FRMPD4: variants seen among roughly 807,000 people sequenced by gnomAD.
The protein encoded by FRMPD4 is FERM and PDZ domain containing 4, also known as FERM and PDZ domain-containing protein 4.
A neutral mutation model predicts 94.1 loss-of-function variants in FRMPD4; 22 were observed. That is an observed-to-expected ratio of 0.23 (90% CI 0.17 to 0.33). The LOEUF (loss-of-function observed/expected upper bound fraction) is 0.33, where lower values mean the gene tolerates loss of function less well. Among genes scored for constraint, FRMPD4 ranks in the 10% least tolerant of loss-of-function variants. The pLI, the probability that FRMPD4 is intolerant of heterozygous loss-of-function variation, is 1.00. For synonymous variants in FRMPD4, 631 were observed against 548.6 expected (o/e 1.15, Z -2.10); for missense variants, 1,111 against 1,339.9 (o/e 0.83, Z 2.67).
chrX:12,289,537 T>C (rs1305214650), intron 1 of FRMPD4, among the ~76,000 whole-genome samples: 1 of 111,808 alleles, frequency 8.9e-6, no homozygotes, highest in Non-Finnish European at 1.9e-5. Flanking sequence ...TCGCTGAAAG[T>C]TCTGTTGAGA....
intron 3 of FRMPD4, among the ~76,000 whole-genome samples, chrX:11,985,626 C>T (rs1349081642): frequency 8.9e-6 from 1 of 112,305 alleles, no homozygotes; most frequent in Non-Finnish European, 1.9e-5. Context: ...GGCTCTTAGA[C>T]ATTATTCCTG....
rs1460763600 is a variant in FRMPD4, at chrX:12,578,891, A to G, written c.159-30830A>G. Among the ~76,000 whole-genome samples the G allele has an allele frequency of 2.7e-5, 3 of 111,990 alleles. No individual in the cohort carries two copies. In the Admixed American group the frequency reaches 2.8e-4, roughly 11 times the overall value. ...ATGTGTGTGTCACCTTACTGCACAAAAGAGTTTAGGATGCCAAATTAGATG... is the reference window on the plus strand; with the variant it reads ...ATGTGTGTGTCACCTTACTGCACAAGAGAGTTTAGGATGCCAAATTAGATG... On this transcript the variant is annotated intron_variant, in intron 2 of 16. Transcript: ENST00000675598.
At chrX:11,841,011 TG>T (rs1011941598) in intron 1 of FRMPD4, among the ~76,000 whole-genome samples, 22 of 107,769 alleles carry the variant, frequency 2.0e-4, no homozygotes, top group African/African-American at 7.4e-4. Context: ...TTTTTGTTCT[TG>T]CGATAGTTTA....
At chrX:12,083,184 C>A (rs1404556462) in intron 3 of FRMPD4, among the ~76,000 whole-genome samples, 2 of 112,641 alleles carry the variant, frequency 1.8e-5, no homozygotes, top group Admixed American at 9.3e-5. Flanking sequence ...GTTTCATGGG[C>A]CAGGCCCAGG....
chrX:12,165,977 A>G (rs1473300099), intron 1 of FRMPD4, among the ~76,000 whole-genome samples: 2 of 111,749 alleles, frequency 1.8e-5, no homozygotes, highest in Non-Finnish European at 3.8e-5. Flanking sequence ...TTCTAGATAT[A>G]CAATCATGTT....
intron 1 of FRMPD4, among the ~76,000 whole-genome samples, chrX:12,333,835 A>T (rs1229509614): frequency 8.9e-6 from 1 of 112,043 alleles, no homozygotes; most frequent in Non-Finnish European, 1.9e-5. Flanking sequence ...ATATTCAGGT[A>T]TGTAGCTTTT....
chrX:12,688,222 G>C (rs978640298), intron 7 of FRMPD4, among the ~76,000 whole-genome samples: 19 of 111,957 alleles, frequency 1.7e-4, no homozygotes, highest in African/African-American at 6.2e-4. Context: ...CCATGGCCTT[G>C]TTTTGTGTTG....
intron 3 of FRMPD4, among the ~76,000 whole-genome samples, chrX:11,979,830 T>G (rs1801718479): frequency 9.0e-6 from 1 of 111,672 alleles, no homozygotes; most frequent in South Asian, 3.7e-4. Context: ...TTTACTCTCT[T>G]TTGGGTGACT....
In FRMPD4 at chrX:12,087,543, T is replaced by G. The variant is rs5979508; in HGVS notation, c.95+209525T>G. On this transcript the variant is annotated intron_variant, in intron 3 of 18. Transcript: ENST00000640291. ...GTAATACTTTGGCCTCTTTTTTAGC[T>G]TCCCCTCTTTCTGGCACCAGTATGC... 3.4e-3 allele frequency among the ~76,000 whole-genome samples: 384 copies of G among 111,897 alleles called. 4 individuals are homozygous for G. Among genetic ancestry groups the G allele is most frequent in the African/African-American group, 0.012 (363 of 30,810 alleles).
At chrX:12,393,601 A>G (rs1342144222) in intron 1 of FRMPD4, among the ~76,000 whole-genome samples, 1 of 112,231 alleles carries the variant, frequency 8.9e-6, no homozygotes, top group Non-Finnish European at 1.9e-5. Context: ...ATTTTTAAAT[A>G]ACCAAATCAT....
chrX:12,539,245 G>GT (rs1477297699), intron 2 of FRMPD4, among the ~76,000 whole-genome samples: 1 of 111,726 alleles, frequency 9.0e-6, no homozygotes, highest in East Asian at 2.8e-4. Flanking sequence ...GAAAAAAACA[G>GT]TAAAAAGAAA....
intron 13 of FRMPD4, among the ~76,000 whole-genome samples, chrX:12,709,956 C>G (rs766696377): frequency 1.3e-4 from 14 of 110,396 alleles, no homozygotes; most frequent in Admixed American, 3.9e-4. Context: ...GGTGAAGCCC[C>G]GTCTCTACTA....
At chrX:11,859,697 T>C (rs947028484) in intron 1 of FRMPD4, among the ~76,000 whole-genome samples, 1 of 112,249 alleles carries the variant, frequency 8.9e-6, no homozygotes, top group East Asian at 2.8e-4. Context: ...ATTTTGCTTT[T>C]TGGGTTATTT....
chrX:12,023,860 C>T (rs1193821131), intron 3 of FRMPD4, among the ~76,000 whole-genome samples: 2 of 111,821 alleles, frequency 1.8e-5, no homozygotes, highest in Non-Finnish European at 3.8e-5. Flanking sequence ...CCTGCCTCAG[C>T]CTGCCATTTC....
At chrX:12,054,245 C>G (rs779357128) in intron 3 of FRMPD4, among the ~76,000 whole-genome samples, 1 of 110,767 alleles carries the variant, frequency 9.0e-6, no homozygotes, top group African/African-American at 3.3e-5. Context: ...GGTAGTGTGT[C>G]CTAAACCCCA....
intron 1 of FRMPD4, among the ~76,000 whole-genome samples, chrX:12,468,774 T>G (rs2057477035): frequency 8.9e-6 from 1 of 111,812 alleles, no homozygotes; most frequent in Admixed American, 9.5e-5. Context: ...GTCTGCTCTT[T>G]TATTCCCTTG....
intron 3 of FRMPD4, among the ~76,000 whole-genome samples, chrX:12,043,566 G>T (rs2054769369): frequency 9.0e-6 from 1 of 111,050 alleles, no homozygotes; most frequent in Admixed American, 9.6e-5. Context: ...CTCATCCAGT[G>T]GTCCCCAAAT....
chrX:12,185,865 A>C (rs1300674605), intron 1 of FRMPD4, among the ~76,000 whole-genome samples: 1 of 111,444 alleles, frequency 9.0e-6, no homozygotes, highest in East Asian at 2.8e-4. Context: ...GGGTCATAAA[A>C]TTCCCTCTAT....
At chrX:12,338,074 G>A (rs2055554720) in intron 1 of FRMPD4, among the ~76,000 whole-genome samples, 1 of 112,143 alleles carries the variant, frequency 8.9e-6, no homozygotes. Flanking sequence ...TCACATGGTG[G>A]AGTATGAAGG....
Sources: allele counts gnomAD v4.1 joint callset (sites outside exome capture counted in the v4.1 genomes callset), GRCh38; gene constraint gnomAD v4.1.1; transcripts MANE v1.5; gene names NCBI Gene and HGNC (gene_info 2026-07-23, HGNC 2026-07-21).